ISLR2: variants seen among roughly 807,000 people sequenced by gnomAD.
The protein encoded by ISLR2 is immunoglobulin superfamily containing leucine-rich repeat protein 2.
In ISLR2, 16 loss-of-function variants were observed where a neutral mutation model predicts 25.5. The observed-to-expected ratio is 0.63, with a 90% CI of 0.43 to 0.95. ISLR2 has a LOEUF of 0.95. Ranked by LOEUF, ISLR2 falls within the 40% of genes least tolerant of loss-of-function variation. ISLR2 has a pLI of 0.00. For missense variants in ISLR2, 883 were observed against 1,030.7 expected (o/e 0.86, Z 1.96); for synonymous variants, 508 against 486.6 (o/e 1.04, Z -0.58).
At chr15:74,106,707 G>C (rs898873168) in intron 2 of ISLR2, among the ~76,000 whole-genome samples, 38 of 151,922 alleles carry the variant, frequency 2.5e-4, no homozygotes, top group African/African-American at 5.6e-4. Flanking sequence ...CCCAGAGCTG[G>C]CTAGAATTCC....
rs2072557488 is a variant in ISLR2 at position 74,135,909 on chromosome 15, C to A, written c.*917C>A. On this transcript the variant is annotated 3_prime_UTR_variant, in exon 3 of 3. Transcript: ENST00000453268. ...AGGGAACCAAATCCTTCTGTCCTCCCACCCCCACCCCACTTCTGGCCAGTT... is the reference window on the plus strand; with the variant it reads ...AGGGAACCAAATCCTTCTGTCCTCCAACCCCCACCCCACTTCTGGCCAGTT... The A allele has an allele frequency of 6.0e-6, 1 of 167,034 alleles. No individual in the cohort carries two copies. Among genetic ancestry groups the A allele is most frequent in the African/African-American group, 2.4e-5 (1 of 41,404 alleles). The allele number at this position is 167,034 out of a possible 1,614,324, so 10.3% of individuals were successfully genotyped here. A position where few individuals can be genotyped will look rare whatever the true frequency, so the allele number is the denominator to read the frequency against.
Position 74,102,598 on chromosome 15 carries a change from A to G in ISLR2, n.160-1248A>G, listed in dbSNP as rs1000312424. ...GCCCCACACCAGAGTTTCTAACTCA[A>G]TAGGACTGAGGTGGGGCCTGAGCAT... On this transcript the variant is annotated intron_variant and non_coding_transcript_variant, in intron 1 of 3. Coordinates refer to the ISLR2 transcript ENST00000561975. 2.6e-4 allele frequency among the ~76,000 whole-genome samples: 40 copies of G among 151,814 alleles called. 1 individual carries two copies. Among genetic ancestry groups the G allele is most frequent in the African/African-American group, 8.0e-4 (33 of 41,122 alleles).
intron 2 of ISLR2, among the ~76,000 whole-genome samples, chr15:74,109,760 A>G (rs2072151563): frequency 6.6e-6 from 1 of 152,110 alleles, no homozygotes; most frequent in Non-Finnish European, 1.5e-5. Flanking sequence ...TGGCCCAGGG[A>G]CCACACTTTG....
At position 74,132,709 on chromosome 15, in the gene ISLR2, G is replaced by A. The variant is rs754637216; in HGVS notation, c.-8-38G>A. ...GGGGAGGTAAGCTGGGGTTCAGTGAGTCACCTTCTTTCTTCTTCACCTGGC... is the reference window on the plus strand; with the variant it reads ...GGGGAGGTAAGCTGGGGTTCAGTGAATCACCTTCTTTCTTCTTCACCTGGC... On this transcript the variant is annotated intron_variant, in intron 2 of 2. Transcript: ENST00000453268. This position sits in a 1 kb window ranked among gnomAD's most constrained non-coding sequence, Gnocchi z 4.3. 6.3e-7 allele frequency: 1 copy of A among 1,585,760 alleles called. No individual in the cohort carries two copies. The highest frequency in any genetic ancestry group is 1.7e-5 in the Admixed American group (1 of 58,296).
chr15:74,132,604 A>G lies in ISLR2; in HGVS notation c.-8-143A>G, dbSNP rs79443182. 1 of 1,191,818 alleles carries G rather than the reference A, an allele frequency of 8.4e-7. No homozygotes were observed. Among genetic ancestry groups the G allele is most frequent in the Non-Finnish European group, 1.1e-6 (1 of 878,502 alleles). The allele number at this position is 1,191,818 out of a possible 1,614,324, so 73.8% of individuals were successfully genotyped here. A position where few individuals can be genotyped will look rare whatever the true frequency, so the allele number is the denominator to read the frequency against. The stretch of plus-strand genomic sequence containing the variant: ...CGAGATTTTTATTGACCTTCACTTC[A>G]GAGAGGCTCCTGGCCATAGAGGAGG... On this transcript the variant is annotated intron_variant, in intron 2 of 2. Coordinates refer to ENST00000453268, the MANE Select transcript of ISLR2 (RefSeq NM_020851.3). The surrounding 1 kb of genome is among the most constrained non-coding windows in gnomAD (Gnocchi z 4.3).
At chr15:74,139,807 T>C (rs1383683572), downstream of ISLR2, among the ~76,000 whole-genome samples, 1 of 152,060 alleles carries the variant, frequency 6.6e-6, no homozygotes. Flanking sequence ...CTCCAGTGTG[T>C]CTTGCTGTAA....
chr15:74,114,860 A>G (rs1382231448), intron 2 of ISLR2, among the ~76,000 whole-genome samples: 2 of 152,140 alleles, frequency 1.3e-5, no homozygotes, highest in Non-Finnish European at 2.9e-5. Context: ...GCAGGGAGGG[A>G]AATCCAAAGT....
chr15:74,131,322 C>G lies in ISLR2; in HGVS notation c.-9+6C>G, dbSNP rs1318017819. On this transcript the variant is annotated splice_donor_region_variant and intron_variant, in intron 2 of 2. Transcript: ENST00000453268. ...TGAGAGTCGGCGAATATTGGGTAAG[C>G]AATGGGGGCCACCCCACAACCTTGA... 1 of 152,752 alleles carries G rather than the reference C, an allele frequency of 6.5e-6. No homozygotes were observed. The highest frequency in any genetic ancestry group is 1.9e-4 in the East Asian group (1 of 5,188). The allele number at this position is 152,752 out of a possible 1,614,324, so 9.5% of individuals were successfully genotyped here. A position where few individuals can be genotyped will look rare whatever the true frequency, so the allele number is the denominator to read the frequency against.
downstream of ISLR2, among the ~76,000 whole-genome samples, chr15:74,141,776 T>G (rs2072611841): frequency 6.6e-6 from 1 of 152,140 alleles, no homozygotes; most frequent in Admixed American, 6.6e-5. Flanking sequence ...AGTTTGTCCT[T>G]TTGTTATCTG....
At chr15:74,125,411 TA>T (rs934902074), upstream of ISLR2, among the ~76,000 whole-genome samples, 2 of 151,710 alleles carry the variant, frequency 1.3e-5, no homozygotes, top group African/African-American at 2.4e-5. Context: ...CCAACTAATT[TA>T]AAAAAAATGT....
intron 2 of ISLR2, among the ~76,000 whole-genome samples, chr15:74,121,541 C>T (rs2072252550): frequency 6.6e-6 from 1 of 152,066 alleles, no homozygotes; most frequent in Non-Finnish European, 1.5e-5. Context: ...GTGACAGACC[C>T]AACCCCAAGA....
intron 2 of ISLR2, among the ~76,000 whole-genome samples, chr15:74,108,854 G>A (rs1192161015): frequency 5.9e-5 from 9 of 152,090 alleles, no homozygotes; most frequent in Non-Finnish European, 1.2e-4. Flanking sequence ...TGGTGGGTAC[G>A]GACGTGGAGG....
chr15:74,111,794 G>T (rs1003463163), intron 2 of ISLR2, among the ~76,000 whole-genome samples: 2 of 152,152 alleles, frequency 1.3e-5, no homozygotes, highest in Admixed American at 6.5e-5. Flanking sequence ...GCAGATTAGT[G>T]GTTGTCAGGA....
chr15:74,134,673 G>C lies in ISLR2; in HGVS notation c.1919G>C (p.Arg640Pro). ...RPQAPDPMEKRIAADFDPRAS... is the reference protein window; with the variant it reads ...RPQAPDPMEKPIAADFDPRAS... ...CAGGCCCCTGACCCTATGGAGAAGC[G>C]CATCGCCGCAGACTTCGACCCGCGT... is the stretch of plus-strand genomic sequence containing the variant. Residue 640 changes from arginine to proline, a missense_variant, in exon 3 of 3, where the codon CGC (arginine) becomes CCC (proline). Arg to Pro is a moderately radical substitution (Grantham distance 103). This residue lies in a region of ISLR2 where 612 missense variants were observed against 642.8 expected (regional missense o/e 0.95). Coordinates refer to ENST00000453268, the MANE Select transcript of ISLR2 (RefSeq NM_020851.3). The C allele has an allele frequency of 6.2e-7, 1 of 1,614,130 alleles. No homozygotes were observed. The highest frequency in any genetic ancestry group is 1.1e-5 in the South Asian group (1 of 91,092).
chr15:74,139,026 AT>A (rs1292156813), downstream of ISLR2, among the ~76,000 whole-genome samples: 3 of 152,168 alleles, frequency 2.0e-5, no homozygotes, highest in Non-Finnish European at 4.4e-5. Context: ...TGTCCTAAGA[AT>A]TGGGGGCCCT....
chr15:74,137,954 A>C (rs28452551), downstream of ISLR2, among the ~76,000 whole-genome samples: 3 of 149,956 alleles, frequency 2.0e-5, no homozygotes, highest in South Asian at 2.1e-4. Flanking sequence ...TTTTTTTTTT[A>C]TTTTTTTATT....
intron 2 of ISLR2, among the ~76,000 whole-genome samples, chr15:74,112,312 A>G (rs1386640232): frequency 6.6e-6 from 1 of 152,172 alleles, no homozygotes; most frequent in Non-Finnish European, 1.5e-5. Context: ...AAATATAGGA[A>G]GCCCAGTTAA....
intron 2 of ISLR2, among the ~76,000 whole-genome samples, chr15:74,119,884 T>G (rs1484115231): frequency 6.6e-6 from 1 of 152,212 alleles, no homozygotes; most frequent in African/African-American, 2.4e-5. Flanking sequence ...CTGACTTGTC[T>G]CATCTTACAC....
At chr15:74,140,527 A>G (rs942136635), downstream of ISLR2, among the ~76,000 whole-genome samples, 3 of 152,164 alleles carry the variant, frequency 2.0e-5, no homozygotes, top group Admixed American at 2.0e-4. Context: ...CAAAGAAAGG[A>G]CCATGACTAT....
Sources: allele counts gnomAD v4.1 joint callset (sites outside exome capture counted in the v4.1 genomes callset), GRCh38; gene constraint gnomAD v4.1.1; regional missense constraint gnomAD v4.1.1; non-coding constraint Gnocchi (gnomAD v3.1); transcripts MANE v1.5; gene names NCBI Gene and HGNC (gene_info 2026-07-23, HGNC 2026-07-21).